Variants in GPATCH8 observed in about 807,000 individuals in gnomAD.
GPATCH8 encodes G patch domain-containing protein 8.
Under a neutral mutation model 118.3 loss-of-function variants are expected in GPATCH8, and 18 were observed. The ratio of observed to expected loss-of-function variants is 0.15; its 90% confidence interval spans 0.11 to 0.23. The LOEUF (loss-of-function observed/expected upper bound fraction) is 0.23, where lower values mean the gene tolerates loss of function less well. Among genes scored for constraint, GPATCH8 ranks in the 10% least tolerant of loss-of-function variants. The probability of loss-of-function intolerance (pLI) is 1.00; values close to 1 mark genes in which losing one functional copy is unlikely to be tolerated. For missense variants in GPATCH8, 1,631 were observed against 1,873.8 expected (o/e 0.87, Z 2.39); for synonymous variants, 659 against 684.7 (o/e 0.96, Z 0.59).
intron 5 of GPATCH8, among the ~76,000 whole-genome samples, chr17:44,432,886 T>G (rs1470133078): frequency 6.6e-6 from 1 of 152,218 alleles, no homozygotes; most frequent in Non-Finnish European, 1.5e-5. Flanking sequence ...TTGCCCAGGC[T>G]GGAGTGCAGT....
intron 3 of GPATCH8, among the ~76,000 whole-genome samples, chr17:44,453,498 G>GTGTGTGTGTGT (rs1298562128): frequency 0.067 from 8,751 of 129,966 alleles, 460 homozygotes; most frequent in African/African-American, 0.079. Context: ...TAGGTAGGTA[G>GTGTGTGTGTGT]GGGTGTGTGT....
chr17:44,410,519 G>A (rs1397907642), intron 6 of GPATCH8, among the ~76,000 whole-genome samples: 1 of 152,134 alleles, frequency 6.6e-6, no homozygotes, highest in African/African-American at 2.4e-5. Context: ...CCTTATCTCT[G>A]AAAATTATAC....
At chr17:44,491,808 C>T (rs1281242746) in intron 1 of GPATCH8, among the ~76,000 whole-genome samples, 8 of 151,584 alleles carry the variant, frequency 5.3e-5, no homozygotes, top group African/African-American at 1.5e-4. Context: ...AAGCAGTGAT[C>T]GCAAATTTCC....
intron 3 of GPATCH8, among the ~76,000 whole-genome samples, chr17:44,444,744 G>A (rs1048482953): frequency 1.3e-5 from 2 of 152,208 alleles, no homozygotes; most frequent in Non-Finnish European, 2.9e-5. Flanking sequence ...TTGCACTCCA[G>A]TCTGGGGCAA....
chr17:44,494,682 G>C (rs141800275), intron 1 of GPATCH8, among the ~76,000 whole-genome samples: 4 of 152,196 alleles, frequency 2.6e-5, no homozygotes, highest in African/African-American at 9.6e-5. Flanking sequence ...CATTAACTCT[G>C]GTTAAGAGAG....
At position 44,400,548 on chromosome 17, in the gene GPATCH8, G is replaced by C. The variant is rs769029435; in HGVS notation, c.1529C>G (p.Ser510Cys). The C allele has an allele frequency of 4.2e-5, 67 of 1,614,042 alleles. No individual in the cohort carries two copies. The highest frequency in any genetic ancestry group is 5.1e-5 in the Non-Finnish European group (60 of 1,179,912). Reference protein sequence around the residue: ...QKVSETQMCESNSSKETSLAT... With the variant: ...QKVSETQMCECNSSKETSLAT... ...CAGAGAGGTTTCTTTAGAAGAGTTG[G>C]ACTCACACATTTGGGTCTCTGAAAC... Residue 510 changes from serine to cysteine, a missense_variant, in exon 8 of 8, where the codon TCC becomes TGC. This residue lies in a region of GPATCH8 where 405 missense variants were observed against 462.7 expected (regional missense o/e 0.88). Coordinates refer to ENST00000591680, the MANE Select transcript of GPATCH8 (RefSeq NM_001002909.4).
chr17:44,420,464 T>C (rs2049856361), intron 6 of GPATCH8, among the ~76,000 whole-genome samples: 1 of 152,216 alleles, frequency 6.6e-6, no homozygotes, highest in African/African-American at 2.4e-5. Flanking sequence ...TTTCTGTGCA[T>C]TGTAGATGTT....
Position 44,398,351 on chromosome 17 carries a change from G to C in GPATCH8, c.3726C>G (p.Asn1242Lys). 1 of 1,614,110 alleles carries C rather than the reference G, an allele frequency of 6.2e-7. No individual in the cohort carries two copies. The highest frequency in any genetic ancestry group is 8.5e-7 in the Non-Finnish European group (1 of 1,179,986). ...CYPGDPTISHNYLPDPSDGDT... is the reference protein window; with the variant it reads ...CYPGDPTISHKYLPDPSDGDT... ...CCCCATCACTGGGGTCGGGGAGGTA[G>C]TTATGGGAGATGGTTGGGTCCCCAG... Residue 1242 changes from asparagine to lysine, a missense_variant, in exon 8 of 8, where the codon AAC becomes AAG. Asn to Lys is a moderately conservative substitution (Grantham distance 94, BLOSUM62 0). Coordinates refer to ENST00000591680, the MANE Select transcript of GPATCH8 (RefSeq NM_001002909.4).
rs770722912 is a variant in GPATCH8 at position 44,503,377 on chromosome 17, G to A, written c.-7C>T. 1 of 1,606,562 alleles carries A rather than the reference G, an allele frequency of 6.2e-7. No individual in the cohort carries two copies. Among genetic ancestry groups the A allele is most frequent in the Non-Finnish European group, 8.5e-7 (1 of 1,176,508 alleles). On this transcript the variant is annotated 5_prime_UTR_variant, in exon 1 of 8. Transcript: ENST00000591680. ...GGGAGAAGCGGTCCGCCATTTTGCC[G>A]CCTTCACTCCTCTCAGGACGACGCT...
chr17:44,431,693 G>T (rs2143992773), intron 5 of GPATCH8, among the ~76,000 whole-genome samples: 1 of 152,092 alleles, frequency 6.6e-6, no homozygotes, highest in South Asian at 2.1e-4. Context: ...AAAAATGGGA[G>T]GCTGAGGTAG....
At chr17:44,457,656 A>G (rs1043192171) in intron 3 of GPATCH8, among the ~76,000 whole-genome samples, 11 of 152,220 alleles carry the variant, frequency 7.2e-5, no homozygotes, top group African/African-American at 1.9e-4. Flanking sequence ...TGAAAAGGCC[A>G]GGCATGGTGG....
chr17:44,487,155 T>C (rs1968851076), intron 1 of GPATCH8, among the ~76,000 whole-genome samples: 1 of 152,228 alleles, frequency 6.6e-6, no homozygotes, highest in Non-Finnish European at 1.5e-5. Flanking sequence ...CACCTGTTCA[T>C]CCCTTTATTT....
chr17:44,455,974 T>G (rs1396750718), intron 3 of GPATCH8, among the ~76,000 whole-genome samples: 1 of 152,218 alleles, frequency 6.6e-6, no homozygotes, highest in Non-Finnish European at 1.5e-5. Context: ...CTCGAACTCC[T>G]GAACTTAGGT....
chr17:44,474,688 G>T, intron 2 of GPATCH8, 141 bp downstream of exon 2: 1 of 703,682 alleles, frequency 1.4e-6, no homozygotes, highest in Non-Finnish European at 2.6e-6. Flanking sequence ...AGCTTTAATT[G>T]ATTACTGTAT....
chr17:44,498,950 CT>C (rs1284694454), intron 1 of GPATCH8, among the ~76,000 whole-genome samples: 3 of 152,204 alleles, frequency 2.0e-5, no homozygotes, highest in East Asian at 3.8e-4. Context: ...GGGTCACATA[CT>C]GGTTACATAT....
chr17:44,486,933 A>G (rs1368934013), intron 1 of GPATCH8: 1 of 152,136 alleles, frequency 6.6e-6, no homozygotes, highest in Non-Finnish European at 1.5e-5. Flanking sequence ...AGTTGAGCTG[A>G]AAGTATAGAC....
intron 3 of GPATCH8, among the ~76,000 whole-genome samples, chr17:44,443,056 T>C (rs2050757383): frequency 6.6e-6 from 1 of 151,998 alleles, no homozygotes; most frequent in South Asian, 2.1e-4. Context: ...CCAGCCTGGG[T>C]GACAGAGAAA....
intron 3 of GPATCH8, among the ~76,000 whole-genome samples, chr17:44,448,510 G>C (rs1360824124): frequency 3.5e-5 from 4 of 113,706 alleles, no homozygotes; most frequent in South Asian, 7.5e-4. Flanking sequence ...AAAAGGGGGG[G>C]GGGGGAAGAA....
Position 44,399,285 on chromosome 17 carries a change from G to T in GPATCH8, c.2792C>A (p.Ser931Tyr), listed in dbSNP as rs769916673. 237 of 1,613,738 alleles carry T rather than the reference G, an allele frequency of 1.5e-4. No individual in the cohort carries two copies. The highest frequency in any genetic ancestry group is 4.5e-4 in the Admixed American group (27 of 60,004). ...GCAACTGAGGCTATAGTCATCATCA[G>T]AAGATGAATATTTGTGCCGTTTTGA... ...HRSKRHKYSSSDDDYSLSCSQ... is the reference protein window; with the variant it reads ...HRSKRHKYSSYDDDYSLSCSQ... Residue 931 changes from serine (S) to tyrosine (Y), a missense_variant, in exon 8 of 8, where the codon TCT becomes TAT. Coordinates refer to ENST00000591680, the MANE Select transcript of GPATCH8 (RefSeq NM_001002909.4).
Sources: allele counts gnomAD v4.1 joint callset (sites outside exome capture counted in the v4.1 genomes callset), GRCh38; gene constraint gnomAD v4.1.1; regional missense constraint gnomAD v4.1.1; transcripts MANE v1.5; gene names NCBI Gene and HGNC (gene_info 2026-07-23, HGNC 2026-07-21).